The following SYNE2 variants were observed in gnomAD, a reference collection of about 807,000 sequenced individuals.
SYNE2 encodes the protein nesprin-2.
SYNE2 carries 431 observed loss-of-function variants against 856.3 expected under a neutral mutation model. The observed-to-expected ratio is 0.50, with a 90% CI of 0.47 to 0.55. The LOEUF (loss-of-function observed/expected upper bound fraction) is 0.55, where lower values mean the gene tolerates loss of function less well. Among genes scored for constraint, SYNE2 ranks in the 20% least tolerant of loss-of-function variants. The pLI is 0.00. For missense variants in SYNE2, 8,129 were observed against 8,023.2 expected (o/e 1.01, Z -0.50); for synonymous variants, 2,923 against 2,872.3 (o/e 1.02, Z -0.56).
chr14:64,031,277 C>T lies in SYNE2; in HGVS notation c.7141C>T (p.Gln2381Ter). The change falls in exon 45 of 116, where the codon CAG (glutamine) becomes TAG (stop). Residue 2381 changes from glutamine to a stop codon, truncating the protein, a stop_gained. Transcript: ENST00000555002. LOFTEE classifies it high-confidence loss of function. ...GTTTACTCTGCCAGGCAGAGAGAAG[C>T]AGGCCACTTCTGATGTGCAGGAGTC... ...GKFTLPGREK[Q>*]ATSDVQESTQ... is the part of the protein sequence containing the mutation. 3.1e-6 allele frequency: 5 copies of T among 1,614,142 alleles called. No individual in the cohort carries two copies. Among genetic ancestry groups the T allele is most frequent in the Non-Finnish European group, 4.2e-6 (5 of 1,180,040 alleles).
At chr14:63,973,196 G>T (rs1203158492) in intron 11 of SYNE2, among the ~76,000 whole-genome samples, 1 of 152,196 alleles carries the variant, frequency 6.6e-6, no homozygotes, top group East Asian at 1.9e-4. Context: ...GGAGGTTTCA[G>T]TGAGCCGAGA....
Position 63,978,951 on chromosome 14 carries a change from G to T in SYNE2, c.1506G>T (p.Leu502Phe). 1 of 1,613,422 alleles carries T rather than the reference G, an allele frequency of 6.2e-7. No individual in the cohort carries two copies. Among genetic ancestry groups the T allele is most frequent in the Non-Finnish European group, 8.5e-7 (1 of 1,179,518 alleles). ...LGLVDEVKSK[L>F]DIWNIKYGSR... ...TGGTAGATGAAGTGAAATCAAAATTGGATATTTGGAACATTAAATATGGGA... is the reference window on the plus strand; with the variant it reads ...TGGTAGATGAAGTGAAATCAAAATTTGATATTTGGAACATTAAATATGGGA... The change falls in exon 14 of 116, where the codon TTG (leucine) becomes TTT (phenylalanine). Residue 502 changes from leucine (L) to phenylalanine (F), a missense_variant. Around this residue, in one of 3 missense-constraint regions of SYNE2, gnomAD observed 2,422 missense variants for 2,357.4 expected, o/e 1.03. Coordinates refer to ENST00000555002, the MANE Select transcript of SYNE2 (RefSeq NM_182914.3).
chr14:63,952,234 A>G (rs898142606), intron 7 of SYNE2, among the ~76,000 whole-genome samples: 1 of 152,142 alleles, frequency 6.6e-6, no homozygotes, highest in Non-Finnish European at 1.5e-5. Context: ...TCATCAGTGC[A>G]GAGCTGACCT....
chr14:63,808,175 G>T (rs1435482373), intron 1 of SYNE2, among the ~76,000 whole-genome samples: 1 of 151,676 alleles, frequency 6.6e-6, no homozygotes, highest in East Asian at 1.9e-4. Context: ...CGATTCCCCT[G>T]CCTTGGCCTC....
In SYNE2 at chr14:63,888,169, C is replaced by T. The variant is rs115650436; in HGVS notation, c.-51-20929C>T. ...AACTAGGGACCAAGTATGTTCAGTA[C>T]GTTCTGTACAAGCTTGGGACAGAAT... On this transcript the variant is annotated intron_variant, in intron 1 of 115. Coordinates refer to ENST00000555002, the MANE Select transcript of SYNE2 (RefSeq NM_182914.3). Among the ~76,000 whole-genome samples the T allele has an allele frequency of 5.9e-3, 906 of 152,288 alleles. 7 individuals are homozygous for T. Among genetic ancestry groups the T allele is most frequent in the African/African-American group, 0.021 (866 of 41,566 alleles).
At chr14:64,110,494 G>A (rs2097796907) in intron 65 of SYNE2, among the ~76,000 whole-genome samples, 1 of 150,286 alleles carries the variant, frequency 6.7e-6, no homozygotes, top group Admixed American at 6.7e-5. Context: ...CTCATGGTAA[G>A]AGCCCAATAA....
chr14:64,173,315 A>G (rs930762238), intron 94 of SYNE2, among the ~76,000 whole-genome samples: 7 of 152,218 alleles, frequency 4.6e-5, no homozygotes, highest in Non-Finnish European at 1.0e-4. Flanking sequence ...GGGAAGACTA[A>G]GGGAGGAGCA....
At chr14:64,072,111 T>C (rs1010480382) in intron 52 of SYNE2, among the ~76,000 whole-genome samples, 2 of 152,250 alleles carry the variant, frequency 1.3e-5, no homozygotes, top group Non-Finnish European at 2.9e-5. Flanking sequence ...TAAATTACTT[T>C]TTTTTAATTT....
chr14:64,072,280 C>G (rs1373883065), intron 52 of SYNE2, among the ~76,000 whole-genome samples: 1 of 152,110 alleles, frequency 6.6e-6, no homozygotes, highest in Non-Finnish European at 1.5e-5. Flanking sequence ...CTTGTTTTTT[C>G]TCTCTACCCT....
rs772693998 is a variant in SYNE2, at chr14:64,007,063, T to G, written c.4418T>G (p.Leu1473Arg). ...TCAAGGAAAAAATCATTAATCAGAC[T>G]GGATAAGGTTCTAGATGAATATGAA... ...VKHRKKSLIR[L>R]DKVLDEYEEE... Residue 1473 changes from leucine to arginine, a missense_variant, in exon 31 of 116, where the codon CTG (leucine) becomes CGG (arginine). Physicochemically the swap from Leu to Arg is moderately radical, Grantham distance 102. Transcript: ENST00000555002. 6.2e-7 allele frequency: 1 copy of G among 1,613,426 alleles called. No homozygotes were observed. Among genetic ancestry groups the G allele is most frequent in the South Asian group, 1.1e-5 (1 of 91,012 alleles).
intron 1 of SYNE2, among the ~76,000 whole-genome samples, chr14:63,899,747 T>TA (rs1014708412): frequency 2.7e-5 from 4 of 149,778 alleles, no homozygotes; most frequent in Non-Finnish European, 5.9e-5. Flanking sequence ...AGTGATCCTC[T>TA]TGCCTTGGCT....
intron 1 of SYNE2, among the ~76,000 whole-genome samples, chr14:63,855,765 A>G (rs898151429): frequency 2.0e-5 from 3 of 152,152 alleles, no homozygotes; most frequent in African/African-American, 7.2e-5. Flanking sequence ...GGGAGATTTT[A>G]TATCCTTCAG....
intron 96 of SYNE2, among the ~76,000 whole-genome samples, chr14:64,183,019 G>GCC (rs35332457): frequency 2.1e-5 from 3 of 144,318 alleles, no homozygotes; most frequent in African/African-American, 7.5e-5. Context: ...GGCGGGGGCT[G>GCC]CCCCCGCCTC....
Position 64,104,446 on chromosome 14 carries a change from CTTTT to C in SYNE2, c.12492+2422_12492+2425del, listed in dbSNP as rs34102150. 1.7e-3 allele frequency among the ~76,000 whole-genome samples: 207 copies of C among 118,788 alleles called. 1 individual carries two copies. Among genetic ancestry groups the C allele is most frequent in the African/African-American group, 6.8e-3 (189 of 27,792 alleles). 77.9% of individuals were successfully genotyped at this position (118,788 alleles called of 152,430 possible). A position where few individuals can be genotyped will look rare whatever the true frequency, so the allele number is the denominator to read the frequency against. ...GTCCTCTTCCTTCTCCCTGTTTTCT[CTTTT>C]TTTTTTTTTTTTTTTTTGAGACAGA... On this transcript the variant is annotated intron_variant, in intron 64 of 115. Transcript: ENST00000555002.
At chr14:64,051,063 G>A (rs2097222072) in intron 47 of SYNE2, among the ~76,000 whole-genome samples, 1 of 151,796 alleles carries the variant, frequency 6.6e-6, no homozygotes, top group African/African-American at 2.4e-5. Flanking sequence ...TATCTAAATG[G>A]GGTTTACTTT....
chr14:64,052,227 C>T lies in SYNE2; in HGVS notation c.8314C>T (p.His2772Tyr), dbSNP rs1437566009. 2 of 1,614,174 alleles carry T rather than the reference C, an allele frequency of 1.2e-6. No individual in the cohort carries two copies. Among genetic ancestry groups the T allele is most frequent in the Admixed American group, 3.3e-5 (2 of 60,018 alleles). ...LSQIRKCKVT[H>Y]DGILARQQSV... is the part of the protein sequence containing the mutation. ...ACAGATCAGAAAGTGCAAAGTGACA[C>T]ATGATGGCATTCTAGCTAGGCAGCA... The change falls in exon 48 of 116, where the codon CAT becomes TAT. Residue 2772 changes from histidine to tyrosine, a missense_variant. By Grantham distance (83) the His-to-Tyr change is moderately conservative (BLOSUM62 2). Coordinates refer to ENST00000555002, the MANE Select transcript of SYNE2 (RefSeq NM_182914.3).
At chr14:64,161,657 A>G (rs1435123343) in intron 87 of SYNE2, among the ~76,000 whole-genome samples, 1 of 150,778 alleles carries the variant, frequency 6.6e-6, no homozygotes, top group African/African-American at 2.4e-5. Context: ...AGGCTGAGGC[A>G]GGAGGATTGC....
chr14:63,948,166 T>TACACAC (rs59063086), intron 6 of SYNE2, among the ~76,000 whole-genome samples: 6,065 of 147,300 alleles, frequency 0.041, 165 homozygotes, highest in South Asian at 0.1. Context: ...GACACACACA[T>TACACAC]ACACACACAC....
At chr14:64,128,588 T>G in intron 74 of SYNE2, 35 bp downstream of exon 74, 6 of 1,319,784 alleles carry the variant, frequency 4.5e-6, no homozygotes, top group Non-Finnish European at 6.6e-6. Context: ...CTGACTTAAC[T>G]TTGAACCACA....
Sources: allele counts gnomAD v4.1 joint callset (sites outside exome capture counted in the v4.1 genomes callset), GRCh38; gene constraint gnomAD v4.1.1; regional missense constraint gnomAD v4.1.1; transcripts MANE v1.5; gene names NCBI Gene and HGNC (gene_info 2026-07-23, HGNC 2026-07-21).